The following PIP5K1B variants were observed in gnomAD, a reference collection of about 807,000 sequenced individuals.
PIP5K1B encodes phosphatidylinositol 4-phosphate 5-kinase type-1 beta.
A neutral mutation model predicts 67.0 loss-of-function variants in PIP5K1B; 42 were observed. That is an observed-to-expected ratio of 0.63 (90% confidence interval 0.49 to 0.81). PIP5K1B has a LOEUF of 0.81. PIP5K1B is among the 30% of genes least tolerant of loss of function. The probability of loss-of-function intolerance (pLI) is 0.00; values close to 1 mark genes in which losing one functional copy is unlikely to be tolerated. For synonymous variants in PIP5K1B, 214 were observed against 231.4 expected (o/e 0.92, Z 0.68); for missense variants, 459 against 646.3 (o/e 0.71, Z 3.14).
chr9:68,963,025 C>A (rs1828830161), intron 14 of PIP5K1B, among the ~76,000 whole-genome samples: 1 of 152,136 alleles, frequency 6.6e-6, no homozygotes, highest in Admixed American at 6.5e-5. Context: ...TGAAAAGAAC[C>A]TTTATCTCAT....
At chr9:68,852,956 C>T (rs942118632) in intron 4 of PIP5K1B, among the ~76,000 whole-genome samples, 1 of 152,088 alleles carries the variant, frequency 6.6e-6, no homozygotes, top group African/African-American at 2.4e-5. Context: ...TGATTTATTA[C>T]AGCATTTAGC....
intron 4 of PIP5K1B, among the ~76,000 whole-genome samples, chr9:68,854,415 C>A (rs1032837505): frequency 6.6e-6 from 1 of 152,042 alleles, no homozygotes; most frequent in African/African-American, 2.4e-5. Context: ...CAGGTGCAAG[C>A]CACCATACCT....
chr9:68,854,127 C>CTTT (rs36079285), intron 4 of PIP5K1B, among the ~76,000 whole-genome samples: 23 of 106,996 alleles, frequency 2.1e-4, no homozygotes, highest in African/African-American at 6.3e-4. Context: ...AAACAGAAAA[C>CTTT]TTTTTTTTTT....
intron 12 of PIP5K1B, among the ~76,000 whole-genome samples, chr9:68,924,453 C>T (rs940245850): frequency 2.0e-4 from 30 of 147,256 alleles, no homozygotes; most frequent in African/African-American, 7.0e-4. Context: ...CAAATCTATA[C>T]CCTAACTTTA....
At chr9:68,971,677 G>C (rs1188553259) in intron 14 of PIP5K1B, among the ~76,000 whole-genome samples, 3 of 152,158 alleles carry the variant, frequency 2.0e-5, no homozygotes, top group Non-Finnish European at 4.4e-5. Context: ...ACATTTTAAT[G>C]ATCGCCATTC....
intron 1 of PIP5K1B, among the ~76,000 whole-genome samples, chr9:68,717,653 T>C (rs1827697777): frequency 6.6e-6 from 1 of 152,096 alleles, no homozygotes; most frequent in Non-Finnish European, 1.5e-5. Context: ...AGAGCCCGAA[T>C]CCCACCCTAT....
chr9:68,972,767 A>G (rs926222768), intron 14 of PIP5K1B, among the ~76,000 whole-genome samples: 1 of 152,352 alleles, frequency 6.6e-6, no homozygotes. Context: ...AGTCAAGTCT[A>G]TAACATGTGT....
At chr9:68,712,213 C>T (rs1453926853) in intron 1 of PIP5K1B, among the ~76,000 whole-genome samples, 6 of 152,156 alleles carry the variant, frequency 3.9e-5, no homozygotes, top group African/African-American at 1.4e-4. Flanking sequence ...CTACCCCTCC[C>T]TTGCTCCCTC....
intron 3 of PIP5K1B, chr9:68,822,338 A>G (rs10869360): frequency 0.22 from 52,301 of 236,114 alleles, 7,274 homozygotes; most frequent in East Asian, 0.33. Context: ...AAAAAAAAAA[A>G]GCTTTGTAGA....
chr9:68,857,387 A>G (rs1430267847), intron 4 of PIP5K1B, among the ~76,000 whole-genome samples: 6 of 152,170 alleles, frequency 3.9e-5, no homozygotes, highest in East Asian at 1.9e-4. Flanking sequence ...TATAATTTCC[A>G]TAGTCCTACA....
intron 4 of PIP5K1B, among the ~76,000 whole-genome samples, chr9:68,855,554 G>A (rs1014578473): frequency 2.6e-5 from 4 of 152,172 alleles, no homozygotes; most frequent in Admixed American, 2.0e-4. Context: ...AGTGACTTCA[G>A]TCCTCTCAAC....
At chr9:68,865,290 C>T (rs1486338381) in intron 5 of PIP5K1B, among the ~76,000 whole-genome samples, 2 of 150,704 alleles carry the variant, frequency 1.3e-5, no homozygotes, top group African/African-American at 4.9e-5. Context: ...TTTTAACAGC[C>T]TACCATTCCA....
At chr9:68,901,874 T>C (rs1011699443) in intron 8 of PIP5K1B, among the ~76,000 whole-genome samples, 2 of 152,226 alleles carry the variant, frequency 1.3e-5, no homozygotes, top group African/African-American at 4.8e-5. Context: ...GAAATAATGA[T>C]GTCATATCAT....
intron 2 of PIP5K1B, among the ~76,000 whole-genome samples, chr9:68,785,572 C>G (rs1308565219): frequency 6.6e-5 from 10 of 152,198 alleles, no homozygotes; most frequent in Admixed American, 5.2e-4. Flanking sequence ...AGGGACTGTT[C>G]TAAGTGCTAA....
intron 2 of PIP5K1B, chr9:68,780,565 C>T: frequency 6.2e-7 from 1 of 1,614,204 alleles, no homozygotes; most frequent in Non-Finnish European, 8.5e-7. Flanking sequence ...TCCGCCTCCC[C>T]CAAGCGCATC....
intron 15 of PIP5K1B, among the ~76,000 whole-genome samples, chr9:69,002,359 C>T (rs374565848): frequency 6.6e-6 from 1 of 152,162 alleles, no homozygotes; most frequent in African/African-American, 2.4e-5. Context: ...TGGATCTGAG[C>T]GTGCCTAAGT....
intron 8 of PIP5K1B, among the ~76,000 whole-genome samples, chr9:68,896,874 C>G (rs775618650): frequency 3.9e-4 from 60 of 152,176 alleles, no homozygotes; most frequent in East Asian, 7.7e-4. Context: ...TCTCCTCCCC[C>G]CAAAAAATGC....
In PIP5K1B at chr9:68,868,228, AGGT is replaced by A. The variant is rs1439980954; in HGVS notation, c.200+4262_200+4264del. On this transcript the variant is annotated intron_variant, in intron 5 of 15. Transcript: ENST00000265382. Reference sequence around the variant, plus strand: ...GGATCAGAAGCTCAAGGTTATAGATAGGTTTCATGCATTGATAGGATAAAGAAG... The same window carrying A: ...GGATCAGAAGCTCAAGGTTATAGATATTCATGCATTGATAGGATAAAGAAG... Among the ~76,000 whole-genome samples the A allele has an allele frequency of 6.2e-3, 942 of 152,312 alleles. 27 individuals carry two copies. The highest frequency in any genetic ancestry group is 0.056 in the Admixed American group (854 of 15,298).
At chr9:68,711,124 A>G (rs1827371390) in intron 1 of PIP5K1B, among the ~76,000 whole-genome samples, 1 of 152,226 alleles carries the variant, frequency 6.6e-6, no homozygotes, top group African/African-American at 2.4e-5. Context: ...CCATTCAGTC[A>G]TGCTGAGCAA....
Sources: allele counts gnomAD v4.1 joint callset (sites outside exome capture counted in the v4.1 genomes callset), GRCh38; gene constraint gnomAD v4.1.1; transcripts MANE v1.5; gene names NCBI Gene and HGNC (gene_info 2026-07-23, HGNC 2026-07-21).